CNTN5: variants seen among roughly 807,000 people sequenced by gnomAD.
The protein encoded by CNTN5 is contactin 5.
CNTN5 carries 77 observed loss-of-function variants against 129.1 expected under a neutral mutation model. The ratio of observed to expected loss-of-function variants is 0.60; its 90% CI spans 0.50 to 0.72. The LOEUF (loss-of-function observed/expected upper bound fraction) is 0.72. Among genes scored for constraint, CNTN5 ranks in the 30% least tolerant of loss-of-function variants. CNTN5 has a pLI of 0.00. For missense variants in CNTN5, 1,478 were observed against 1,328.8 expected (o/e 1.11, Z -1.75); for synonymous variants, 509 against 465.6 (o/e 1.09, Z -1.20).
At chr11:100,163,295 T>C (rs1029980251) in intron 13 of CNTN5, among the ~76,000 whole-genome samples, 4 of 151,830 alleles carry the variant, frequency 2.6e-5, no homozygotes, top group African/African-American at 9.7e-5. Flanking sequence ...TAATTGTTTA[T>C]ATTATATACA....
chr11:99,120,580 C>G (rs1349873127), intron 1 of CNTN5: 1 of 152,106 alleles, frequency 6.6e-6, no homozygotes, highest in African/African-American at 2.4e-5. Flanking sequence ...GATGCCATTG[C>G]TTTGAAATAA....
At chr11:99,969,307 C>A (rs781742716) in intron 8 of CNTN5, among the ~76,000 whole-genome samples, 30 of 152,042 alleles carry the variant, frequency 2.0e-4, no homozygotes, top group Non-Finnish European at 4.0e-4. Flanking sequence ...CATTGTAATT[C>A]AGAAATAAAT....
At chr11:99,359,627 A>G (rs966647004) in intron 2 of CNTN5, among the ~76,000 whole-genome samples, 1 of 140,544 alleles carries the variant, frequency 7.1e-6, no homozygotes, top group Non-Finnish European at 1.5e-5. Flanking sequence ...ATATTTATTT[A>G]TATAAATATA....
At chr11:99,425,473 C>T (rs915161621) in intron 2 of CNTN5, among the ~76,000 whole-genome samples, 4 of 152,240 alleles carry the variant, frequency 2.6e-5, no homozygotes, top group Non-Finnish European at 5.9e-5. Flanking sequence ...TGCCTCTCTG[C>T]TGTGCTATGT....
intron 1 of CNTN5, among the ~76,000 whole-genome samples, chr11:99,212,976 A>T (rs1036880482): frequency 6.6e-6 from 1 of 151,752 alleles, no homozygotes; most frequent in Non-Finnish European, 1.5e-5. Flanking sequence ...TGGATCACGA[A>T]GTCAGGAGAT....
intron 13 of CNTN5, among the ~76,000 whole-genome samples, chr11:100,134,360 C>T (rs1946462769): frequency 6.6e-6 from 1 of 152,106 alleles, no homozygotes; most frequent in Non-Finnish European, 1.5e-5. Context: ...TCAGCCTCCA[C>T]ATTTTATTGG....
intron 3 of CNTN5, among the ~76,000 whole-genome samples, chr11:99,816,678 T>C (rs1457848600): frequency 6.6e-6 from 1 of 152,208 alleles, no homozygotes; most frequent in African/African-American, 2.4e-5. Flanking sequence ...CTTGTTCAAA[T>C]ATGGCACTAC....
intron 3 of CNTN5, among the ~76,000 whole-genome samples, chr11:99,661,846 C>T (rs1048009876): frequency 6.6e-6 from 1 of 152,000 alleles, no homozygotes; most frequent in African/African-American, 2.4e-5. Context: ...AGGTACTCCA[C>T]GATACAATAC....
chr11:100,141,531 T>A (rs1946697561), intron 13 of CNTN5, among the ~76,000 whole-genome samples: 1 of 152,162 alleles, frequency 6.6e-6, no homozygotes, highest in South Asian at 2.1e-4. Context: ...ACAACTTACC[T>A]CTATTTAGTC....
intron 1 of CNTN5, among the ~76,000 whole-genome samples, chr11:99,029,585 G>A (rs77500999): frequency 0.033 from 4,968 of 152,138 alleles, 285 homozygotes; most frequent in African/African-American, 0.11. Flanking sequence ...CAGTTGGTGG[G>A]AAGAGAGGCA....
chr11:99,707,437 C>A (rs1954804057), intron 3 of CNTN5, among the ~76,000 whole-genome samples: 2 of 151,628 alleles, frequency 1.3e-5, no homozygotes, highest in Admixed American at 1.3e-4. Flanking sequence ...AACATTATTG[C>A]AAATTAAAAG....
At chr11:99,612,662 T>C (rs1950626221) in intron 3 of CNTN5, among the ~76,000 whole-genome samples, 1 of 152,232 alleles carries the variant, frequency 6.6e-6, no homozygotes, top group South Asian at 2.1e-4. Context: ...GTTCTCTAGT[T>C]TCTCAAAACA....
intron 18 of CNTN5, among the ~76,000 whole-genome samples, chr11:100,278,209 T>C (rs1254538310): frequency 6.6e-6 from 1 of 152,130 alleles, no homozygotes; most frequent in Admixed American, 6.5e-5. Context: ...TTTTTATCAC[T>C]GTAGCTCTCA....
At chr11:99,205,725 T>G (rs1263738931) in intron 1 of CNTN5, among the ~76,000 whole-genome samples, 1 of 152,182 alleles carries the variant, frequency 6.6e-6, no homozygotes, top group Non-Finnish European at 1.5e-5. Context: ...TTAATTAGCT[T>G]GACTGTAGTA....
At chr11:100,146,095 A>T (rs1266654971) in intron 13 of CNTN5, among the ~76,000 whole-genome samples, 2 of 152,168 alleles carry the variant, frequency 1.3e-5, no homozygotes, top group African/African-American at 4.8e-5. Flanking sequence ...CCGCTGTATA[A>T]ATATAAGCAT....
intron 2 of CNTN5, among the ~76,000 whole-genome samples, chr11:99,326,160 A>G (rs78545019): frequency 0.019 from 2,874 of 152,320 alleles, 91 homozygotes; most frequent in African/African-American, 0.065. Context: ...AAATACATCA[A>G]TGGACATTTA....
chr11:99,370,237 C>T (rs1223130783), intron 2 of CNTN5, among the ~76,000 whole-genome samples: 1 of 152,156 alleles, frequency 6.6e-6, no homozygotes, highest in Non-Finnish European at 1.5e-5. Context: ...TATCAATTTT[C>T]CTGTACACAA....
intron 3 of CNTN5, among the ~76,000 whole-genome samples, chr11:99,649,816 C>T (rs1043157373): frequency 2.0e-5 from 3 of 151,706 alleles, no homozygotes; most frequent in Non-Finnish European, 4.4e-5. Context: ...GCTCTGTTTA[C>T]TCAAGGTTAT....
intron 3 of CNTN5, among the ~76,000 whole-genome samples, chr11:99,681,913 A>G (rs192460398): frequency 1.3e-5 from 2 of 152,214 alleles, no homozygotes; most frequent in Admixed American, 1.3e-4. Flanking sequence ...AAATTATAAC[A>G]GTGAGAAAAT....
Sources: gnomAD v4.1 joint callset for allele counts (sites outside exome capture counted in the v4.1 genomes callset) on GRCh38, gnomAD v4.1.1 for gene constraint, MANE v1.5 for transcripts, NCBI Gene and HGNC (gene_info 2026-07-23, HGNC 2026-07-21) for gene names.